Variants in ROBO2 observed in about 807,000 individuals in gnomAD.
ROBO2 encodes the protein roundabout homolog 2.
A neutral mutation model predicts 160.8 loss-of-function variants in ROBO2; 53 were observed. The observed-to-expected ratio is 0.33, with a 90% CI of 0.26 to 0.41. The LOEUF is 0.41. ROBO2 is among the 10% of genes least tolerant of loss of function. The pLI, the probability that ROBO2 is intolerant of heterozygous loss-of-function variation, is 1.00. For missense variants in ROBO2, 1,577 were observed against 1,722.4 expected, an observed-to-expected ratio of 0.92 and a Z score of 1.49; for synonymous variants, 664 against 611.7, an observed-to-expected ratio of 1.09 and a Z score of -1.26.
At chr3:77,525,785 C>CT (rs764350929) in intron 6 of ROBO2, among the ~76,000 whole-genome samples, 1,748 of 141,612 alleles carry the variant, frequency 0.012, 18 homozygotes, top group African/African-American at 0.034. Flanking sequence ...ACCACAGTTT[C>CT]TTTTTTTTTT....
At chr3:77,339,638 A>G (rs973846479) in intron 2 of ROBO2, among the ~76,000 whole-genome samples, 4 of 152,046 alleles carry the variant, frequency 2.6e-5, no homozygotes, top group African/African-American at 9.7e-5. Flanking sequence ...TTTTAAAATC[A>G]TATCATTTTC....
intron 2 of ROBO2, among the ~76,000 whole-genome samples, chr3:77,439,659 A>C (rs1234218760): frequency 6.6e-6 from 1 of 152,118 alleles, no homozygotes; most frequent in Admixed American, 6.5e-5. Context: ...AACCATTAGT[A>C]TTAAGGAGTA....
intron 2 of ROBO2, among the ~76,000 whole-genome samples, chr3:77,230,147 G>T (rs1455652111): frequency 6.6e-6 from 1 of 151,998 alleles, no homozygotes; most frequent in Non-Finnish European, 1.5e-5. Flanking sequence ...GAGTGCAGTG[G>T]CATAAGCTCA....
At chr3:77,104,130 G>T (rs2072456060) in intron 2 of ROBO2, among the ~76,000 whole-genome samples, 1 of 152,006 alleles carries the variant, frequency 6.6e-6, no homozygotes, top group Non-Finnish European at 1.5e-5. Flanking sequence ...TATTCATGGG[G>T]TTGTGCAATG....
chr3:77,014,371 C>A (rs2062102524), intron 2 of ROBO2, among the ~76,000 whole-genome samples: 1 of 152,170 alleles, frequency 6.6e-6, no homozygotes, highest in South Asian at 2.1e-4. Context: ...AAGCTCACAA[C>A]AACAGGCAGT....
At chr3:76,765,731 T>G (rs1245285330) in intron 2 of ROBO2, among the ~76,000 whole-genome samples, 1 of 151,646 alleles carries the variant, frequency 6.6e-6, no homozygotes, top group Admixed American at 6.6e-5. Context: ...CCAGTTCAGC[T>G]AACATTTCAG....
intron 2 of ROBO2, among the ~76,000 whole-genome samples, chr3:76,285,531 GA>G: frequency 6.6e-6 from 1 of 152,014 alleles, no homozygotes. Flanking sequence ...TCAAGAGCTT[GA>G]AGAAAATAAA....
At chr3:77,043,026 A>G (rs1231842799) in intron 1 of ROBO2, among the ~76,000 whole-genome samples, 1 of 152,220 alleles carries the variant, frequency 6.6e-6, no homozygotes, top group Non-Finnish European at 1.5e-5. Flanking sequence ...TATGTAAATC[A>G]TACGTTTGAC....
chr3:75,911,999 A>G (rs889802640), intron 1 of ROBO2, among the ~76,000 whole-genome samples: 9 of 152,278 alleles, frequency 5.9e-5, no homozygotes, highest in African/African-American at 2.2e-4. Flanking sequence ...TTGTCCTCCC[A>G]TATATTACTA....
intron 2 of ROBO2, among the ~76,000 whole-genome samples, chr3:75,944,935 A>C (rs1018030884): frequency 2.0e-5 from 3 of 151,788 alleles, no homozygotes; most frequent in Non-Finnish European, 4.4e-5. Context: ...GTCTTTCTGG[A>C]TTGCTTCTTA....
At position 75,937,544 on chromosome 3, in the gene ROBO2, G is replaced by A. The variant is rs79015247; in HGVS notation, c.51G>A (p.Pro17=). 4.4e-6 allele frequency: 7 copies of A among 1,577,382 alleles called. No individual in the cohort carries two copies. Among genetic ancestry groups the A allele is most frequent in the South Asian group, 1.1e-5 (1 of 87,092 alleles). Reference sequence around the variant, plus strand: ...CTAGAAGGATGTGGACATGGGCTCCGGGACTGTTGATGATGACTGTGGTGT... The same window carrying A: ...CTAGAAGGATGTGGACATGGGCTCCAGGACTGTTGATGATGACTGTGGTGT... The change falls in exon 2 of 27, where the codon CCG becomes CCA. Residue 17 remains proline, a synonymous_variant. Transcript: ENST00000487694.
intron 2 of ROBO2, among the ~76,000 whole-genome samples, chr3:76,274,299 T>C (rs957762906): frequency 2.0e-5 from 3 of 151,970 alleles, no homozygotes; most frequent in African/African-American, 7.3e-5. Flanking sequence ...TGTATACATA[T>C]GTAACTAACC....
chr3:75,937,491 G>T lies in ROBO2; in HGVS notation c.-3G>T, dbSNP rs769883087. 3,542 of 1,551,644 alleles carry T rather than the reference G, an allele frequency of 2.3e-3. 7 individuals carry two copies. The highest frequency in any genetic ancestry group is 2.8e-3 in the Non-Finnish European group (3,204 of 1,152,904). ...CCACTCAATATGCAGAGTTTAAGAT[G>T]CAATGGCCAGAAGACATGAACGTGT... On this transcript the variant is annotated 5_prime_UTR_variant, in exon 2 of 27. Coordinates refer to the ROBO2 transcript ENST00000487694.
chr3:76,540,470 TACTA>T (rs771005505), intron 2 of ROBO2, among the ~76,000 whole-genome samples: 1 of 152,214 alleles, frequency 6.6e-6, no homozygotes, highest in Non-Finnish European at 1.5e-5. Context: ...TGTTCTTTGC[TACTA>T]ACTGCTTCCA....
chr3:76,339,640 G>A (rs2074097502), intron 2 of ROBO2, among the ~76,000 whole-genome samples: 3 of 151,988 alleles, frequency 2.0e-5, no homozygotes, highest in Admixed American at 2.0e-4. Flanking sequence ...TTAGCAAATT[G>A]GAATCTGCGT....
intron 2 of ROBO2, among the ~76,000 whole-genome samples, chr3:76,221,160 A>G (rs1387765744): frequency 6.6e-6 from 1 of 152,262 alleles, no homozygotes; most frequent in Non-Finnish European, 1.5e-5. Context: ...TGGTGAAAGC[A>G]TTCCTCCATC....
chr3:75,980,467 T>TA (rs939341064), intron 2 of ROBO2, among the ~76,000 whole-genome samples: 2 of 151,502 alleles, frequency 1.3e-5, no homozygotes, highest in African/African-American at 2.4e-5. Context: ...CTCTTGAAAT[T>TA]AAAAAAACTG....
intron 2 of ROBO2, among the ~76,000 whole-genome samples, chr3:76,037,530 G>T (rs548830750): frequency 6.6e-6 from 1 of 151,604 alleles, no homozygotes; most frequent in Non-Finnish European, 1.5e-5. Flanking sequence ...GCTGGGATTC[G>T]CATGTTCATT....
chr3:77,412,663 A>T (rs935571243), intron 2 of ROBO2, among the ~76,000 whole-genome samples: 3 of 152,184 alleles, frequency 2.0e-5, no homozygotes, highest in African/African-American at 7.2e-5. Context: ...GAGTTCAAAG[A>T]TCTGAAAGTC....
Sources: allele counts gnomAD v4.1 joint callset (sites outside exome capture counted in the v4.1 genomes callset), GRCh38; gene constraint gnomAD v4.1.1; transcripts MANE v1.5; gene names NCBI Gene and HGNC (gene_info 2026-07-23, HGNC 2026-07-21).